The following ANKRD31 variants were observed in gnomAD, a reference collection of about 807,000 sequenced individuals.
The protein encoded by ANKRD31 is ankyrin repeat domain 31.
ANKRD31 carries 147 observed loss-of-function variants against 186.0 expected under a neutral mutation model. The observed-to-expected ratio is 0.79, with a 90% confidence interval of 0.69 to 0.91. The LOEUF is 0.91. ANKRD31 is among the 40% of genes least tolerant of loss of function. The pLI is 0.00. For synonymous variants in ANKRD31, 673 were observed against 736.4 expected, an observed-to-expected ratio of 0.91 and a Z score of 1.39; for missense variants, 1,986 against 2,148.8, an observed-to-expected ratio of 0.92 and a Z score of 1.50.
intron 17 of ANKRD31, among the ~76,000 whole-genome samples, chr5:75,129,880 G>A (rs1373504544): frequency 6.6e-6 from 1 of 152,190 alleles, no homozygotes; most frequent in Non-Finnish European, 1.5e-5. Flanking sequence ...CCCTTTCCTA[G>A]CCAAGGGAAG....
chr5:75,222,333 A>C lies in ANKRD31; in HGVS notation c.204T>G (p.Leu68=). 1 of 1,536,490 alleles carries C rather than the reference A, an allele frequency of 6.5e-7. No homozygotes were observed. The highest frequency in any genetic ancestry group is 8.7e-7 in the Non-Finnish European group (1 of 1,146,534). ...CKGMPSPEIQ[L]GFKLREDLQE... ...GCAGATCCTCTCTGAGCTTAAATCC[A>C]AGTTGAATCTCAGGAGAAGGCATGC... The change falls in exon 3 of 26, where the codon CTT becomes CTG. Residue 68 remains leucine (L), a synonymous_variant. Transcript: ENST00000506364.
intron 3 of ANKRD31, among the ~76,000 whole-genome samples, chr5:75,220,343 T>C (rs1757209344): frequency 6.6e-6 from 1 of 152,068 alleles, no homozygotes; most frequent in African/African-American, 2.4e-5. Flanking sequence ...AGCAACTCCA[T>C]TAAAAAGTGG....
At chr5:75,192,874 G>A (rs1227501029) in intron 8 of ANKRD31, 98 bp from the exon 9 acceptor site, 10 of 921,894 alleles carry the variant, frequency 1.1e-5, no homozygotes, top group Non-Finnish European at 1.6e-5. Flanking sequence ...AAACTCCAGG[G>A]TATTTTACTG....
Position 75,146,407 on chromosome 5 carries a change from T to C in ANKRD31, c.3004A>G (p.Asn1002Asp). 4.6e-6 allele frequency: 7 copies of C among 1,536,524 alleles called. No homozygotes were observed. The highest frequency in any genetic ancestry group is 6.1e-6 in the Non-Finnish European group (7 of 1,146,462). The change falls in exon 14 of 26, where the codon AAT becomes GAT. Residue 1002 changes from asparagine (N) to aspartate (D), a missense_variant. Asn to Asp is a conservative substitution (Grantham distance 23). Coordinates refer to ENST00000506364, the MANE Select transcript of ANKRD31 (RefSeq NM_001372053.1). ...AGGGAATTTTGCTCAGGATTGCCATTTGAGTGATCAAAAGAAGGTCCAAAT... is the reference window on the plus strand; with the variant it reads ...AGGGAATTTTGCTCAGGATTGCCATCTGAGTGATCAAAAGAAGGTCCAAAT... Reference protein sequence around the residue: ...CIFGPSFDHSNGNPEQNSLAC... With the variant: ...CIFGPSFDHSDGNPEQNSLAC...
intron 17 of ANKRD31, among the ~76,000 whole-genome samples, chr5:75,131,970 A>G (rs1166214646): frequency 6.6e-6 from 1 of 152,210 alleles, no homozygotes; most frequent in East Asian, 1.9e-4. Context: ...AAGGAAAACT[A>G]ACAAACAGCA....
intron 23 of ANKRD31, among the ~76,000 whole-genome samples, chr5:75,089,662 C>T (rs1033983474): frequency 1.3e-5 from 2 of 152,050 alleles, no homozygotes; most frequent in African/African-American, 4.8e-5. Flanking sequence ...TACATCAGTG[C>T]CCATAGTAAT....
intron 10 of ANKRD31, among the ~76,000 whole-genome samples, chr5:75,180,034 G>C (rs1754163108): frequency 6.6e-6 from 1 of 152,194 alleles, no homozygotes; most frequent in Non-Finnish European, 1.5e-5. Flanking sequence ...CTTCAGCAAA[G>C]TCTCAGGATA....
In ANKRD31 at chr5:75,146,370, C is replaced by A. The variant is rs1377267112; in HGVS notation, c.3041G>T (p.Arg1014Ile). The change falls in exon 14 of 26, where the codon AGA (arginine) becomes ATA (isoleucine). Residue 1014 changes from arginine (R) to isoleucine (I), a missense_variant. Coordinates refer to ENST00000506364, the MANE Select transcript of ANKRD31 (RefSeq NM_001372053.1). ...NPEQNSLACM[R>I]TLLTHEASKL... ...TGAAGCCTCATGTGTCAAAAGTGTT[C>A]TCATACAAGCCAGGGAATTTTGCTC... 5 of 1,536,400 alleles carry A rather than the reference C, an allele frequency of 3.3e-6. No homozygotes were observed. The highest frequency in any genetic ancestry group is 4.4e-6 in the Non-Finnish European group (5 of 1,146,482).
chr5:75,095,497 A>T (rs1746251905), intron 22 of ANKRD31, among the ~76,000 whole-genome samples: 1 of 151,970 alleles, frequency 6.6e-6, no homozygotes, highest in South Asian at 2.1e-4. Flanking sequence ...TCCTGAAATA[A>T]ACAATTCACA....
At position 75,137,302 on chromosome 5, in the gene ANKRD31, G is replaced by A. The variant is rs377714290; in HGVS notation, c.3876+554C>T. On this transcript the variant is annotated intron_variant, in intron 17 of 25. Coordinates refer to ENST00000506364, the MANE Select transcript of ANKRD31 (RefSeq NM_001372053.1). ...TATGCTTTGTCAAACAGAAAGATGA[G>A]TGTAAACATCTGAAGAATCTTAAGG... Among the ~76,000 whole-genome samples, 11 of 152,244 alleles carry A rather than the reference G, an allele frequency of 7.2e-5. No homozygotes were observed. The East Asian group carries it at 1.4e-3, about 19-fold the overall frequency.
intron 5 of ANKRD31, among the ~76,000 whole-genome samples, chr5:75,202,505 G>T (rs1275568265): frequency 6.6e-6 from 1 of 151,892 alleles, no homozygotes; most frequent in South Asian, 2.1e-4. Flanking sequence ...TGGTATACAT[G>T]AGAAATAATT....
intron 17 of ANKRD31, among the ~76,000 whole-genome samples, chr5:75,133,832 A>G (rs61880887): frequency 6.6e-6 from 1 of 152,208 alleles, no homozygotes; most frequent in Non-Finnish European, 1.5e-5. Flanking sequence ...ACCACAGTGC[A>G]ATCAAACTAG....
At chr5:75,103,292 C>T (rs1747058444) in intron 22 of ANKRD31, among the ~76,000 whole-genome samples, 1 of 152,140 alleles carries the variant, frequency 6.6e-6, no homozygotes, top group South Asian at 2.1e-4. Flanking sequence ...ATCAAAACCA[C>T]AATGAGATAC....
At chr5:75,142,176 T>G (rs1325553103) in intron 15 of ANKRD31, among the ~76,000 whole-genome samples, 1 of 152,150 alleles carries the variant, frequency 6.6e-6, no homozygotes, top group Non-Finnish European at 1.5e-5. Flanking sequence ...ATTCCTGTTC[T>G]AAAATTTCAG....
intron 10 of ANKRD31, among the ~76,000 whole-genome samples, chr5:75,169,958 G>A (rs1312513369): frequency 2.0e-5 from 3 of 152,084 alleles, no homozygotes; most frequent in African/African-American, 7.2e-5. Context: ...GGGGGTGGGA[G>A]CAAAAGCACT....
rs1417989666 is a variant in ANKRD31, at chr5:75,104,390, A to G, written c.5169T>C (p.Asp1723=). Residue 1723 remains aspartate (D), a synonymous_variant, in exon 22 of 26, where the codon GAT becomes GAC. Coordinates refer to ENST00000506364, the MANE Select transcript of ANKRD31 (RefSeq NM_001372053.1). ...CAGAGGAAGAGGAGATCTGACTGTC[A>G]TCTGCACATGGAACAACAGAAACTG... is the stretch of plus-strand genomic sequence containing the variant. ...KKSVSVVPCA[D]DSQISSSSGS... 2 of 1,537,232 alleles carry G rather than the reference A, an allele frequency of 1.3e-6. No homozygotes were observed. The highest frequency in any genetic ancestry group is 8.7e-7 in the Non-Finnish European group (1 of 1,146,904).
chr5:75,199,688 A>G lies in ANKRD31; in HGVS notation c.404-14T>C. ...CAGCCTCTGGCCCTAGAAAAAAACA[A>G]TGTGTTTTCATTCCAGTTTTATGGA... On this transcript the variant is annotated splice_polypyrimidine_tract_variant and intron_variant, in intron 5 of 25. Transcript: ENST00000506364. The G allele has an allele frequency of 6.5e-7, 1 of 1,530,504 alleles. No homozygotes were observed. The allele number at this position is 1,530,504 out of a possible 1,614,324, so 94.8% of individuals were successfully genotyped here.
At position 75,187,110 on chromosome 5, in the gene ANKRD31, TTGTGTGTG is replaced by T. The variant is rs57013241; in HGVS notation, c.1564+1375_1564+1382del. On this transcript the variant is annotated intron_variant, in intron 10 of 25. Coordinates refer to ENST00000506364, the MANE Select transcript of ANKRD31 (RefSeq NM_001372053.1). Reference sequence around the variant, plus strand: ...AACAAACATTGCCGGTGATTCTGTTTTGTGTGTGTGTGTGTGTGTGTGTGTGTGTGTGT... The same window carrying T: ...AACAAACATTGCCGGTGATTCTGTTTTGTGTGTGTGTGTGTGTGTGTGTGT... Among the ~76,000 whole-genome samples the T allele has an allele frequency of 8.8e-3, 1,019 of 116,234 alleles. 24 individuals are homozygous for T. The highest frequency in any genetic ancestry group is 0.053 in the Admixed American group (589 of 11,146). The allele number at this position is 116,234 out of a possible 152,430, so 76.3% of individuals were successfully genotyped here.
In ANKRD31 at chr5:75,195,898, T is replaced by A; in HGVS notation, c.750A>T (p.Glu250Asp). The A allele has an allele frequency of 1.3e-6, 2 of 1,536,658 alleles. No homozygotes were observed. Among genetic ancestry groups the A allele is most frequent in the Non-Finnish European group, 1.7e-6 (2 of 1,146,518 alleles). The change falls in exon 7 of 26, where the codon GAA becomes GAT. Residue 250 changes from glutamate (E) to aspartate (D), a missense_variant. Glu to Asp is a conservative substitution (Grantham distance 45). Coordinates refer to ENST00000506364, the MANE Select transcript of ANKRD31 (RefSeq NM_001372053.1). ...GAGAGTCACTCAATGGGTTCATCAATTCTTTACGATCAAAATCACTTACTA... is the reference window on the plus strand; with the variant it reads ...GAGAGTCACTCAATGGGTTCATCAAATCTTTACGATCAAAATCACTTACTA... ...FELVSDFDRK[E>D]LMNPLSDSLS...
Sources: allele counts gnomAD v4.1 joint callset (sites outside exome capture counted in the v4.1 genomes callset), GRCh38; gene constraint gnomAD v4.1.1; transcripts MANE v1.5; gene names NCBI Gene and HGNC (gene_info 2026-07-23, HGNC 2026-07-21).